SCOC: variants seen among roughly 807,000 people sequenced by gnomAD.
The protein encoded by SCOC is short coiled coil protein.
A neutral mutation model predicts 9.9 loss-of-function variants in SCOC; 7 were observed. That is an observed-to-expected ratio of 0.71 (90% confidence interval 0.40 to 1.33). The LOEUF is 1.33. SCOC is among the 40% of genes most tolerant of loss of function. SCOC has a pLI of 0.01. For missense variants in SCOC, 66 were observed against 89.7 expected (o/e 0.74, Z 1.07); for synonymous variants, 19 against 28.2 (o/e 0.67, Z 1.03).
At position 140,384,261 on chromosome 4, in the gene SCOC, T is replaced by G. The variant is rs1270146523; in HGVS notation, c.*3157T>G. ...TCCCCACTGCTTGTCATGTTAATGG[T>G]AAGCTAATGCTATATACTTAGTTTT... On this transcript the variant is annotated 3_prime_UTR_variant, in exon 4 of 4. Transcript: ENST00000608372. The G allele has an allele frequency of 2.6e-5, 4 of 152,334 alleles. No individual in the cohort carries two copies. Among genetic ancestry groups the G allele is most frequent in the Admixed American group, 2.0e-4 (3 of 15,296 alleles). 9.4% of individuals were successfully genotyped at this position (152,334 alleles called of 1,614,324 possible).
intron 1 of SCOC, chr4:140,376,519 G>T (rs1728350400): frequency 6.6e-6 from 1 of 152,136 alleles, no homozygotes; most frequent in South Asian, 2.1e-4. Context: ...GGTGTGAATT[G>T]TGCTCTCTCG....
chr4:140,362,301 T>TCTTCTTGTTCTTCTTCTTCTTCTTCTTC, intron 2 of SCOC, among the ~76,000 whole-genome samples: 2 of 29,410 alleles, frequency 6.8e-5, no homozygotes, highest in African/African-American at 2.4e-4. Context: ...TTCTTCTTCT[T>TCTTCTTGTTCTTCTTCTTCTTCTTCTTC]TTTTTTTTTT....
At chr4:140,272,057 C>A in intron 1 of SCOC, among the ~76,000 whole-genome samples, 1 of 133,752 alleles carries the variant, frequency 7.5e-6, no homozygotes, top group South Asian at 2.4e-4. Flanking sequence ...TCTATCATCA[C>A]TTTTTTTTTT....
intron 1 of SCOC, among the ~76,000 whole-genome samples, chr4:140,330,330 G>C (rs536928002): frequency 2.6e-5 from 4 of 152,198 alleles, no homozygotes; most frequent in African/African-American, 9.6e-5. Context: ...GTACACGGCT[G>C]GGGTGCTGGG....
At chr4:140,258,408 C>A (rs1375976367) in intron 1 of SCOC, among the ~76,000 whole-genome samples, 1 of 152,184 alleles carries the variant, frequency 6.6e-6, no homozygotes, top group African/African-American at 2.4e-5. Flanking sequence ...CATCTCTATT[C>A]CTATCTCCGT....
chr4:140,366,872 T>C (rs1483784131), intron 2 of SCOC: 5 of 739,878 alleles, frequency 6.8e-6, no homozygotes, highest in South Asian at 4.4e-5. Context: ...TTGGTGGCGT[T>C]TGGCAAGAAG....
At chr4:140,352,191 G>C (rs899678048) in intron 2 of SCOC, among the ~76,000 whole-genome samples, 2 of 152,192 alleles carry the variant, frequency 1.3e-5, no homozygotes, top group Admixed American at 1.3e-4. Flanking sequence ...TAATTTAAAA[G>C]ATTATTCCCA....
upstream of SCOC, among the ~76,000 whole-genome samples, chr4:140,342,250 C>A (rs1192958543): frequency 6.6e-6 from 1 of 152,164 alleles, no homozygotes; most frequent in Non-Finnish European, 1.5e-5. Context: ...CACTACCTGA[C>A]CAATTTTGCC....
intron 1 of SCOC, among the ~76,000 whole-genome samples, chr4:140,295,738 G>A (rs1467829412): frequency 1.3e-5 from 2 of 151,856 alleles, no homozygotes; most frequent in East Asian, 3.9e-4. Context: ...TCAGGAGATC[G>A]AGACCACGAT....
At chr4:140,362,105 T>C (rs1727500070) in intron 2 of SCOC, among the ~76,000 whole-genome samples, 1 of 110,140 alleles carries the variant, frequency 9.1e-6, no homozygotes, top group African/African-American at 3.1e-5. Flanking sequence ...AGGCTTTCTT[T>C]AGTTTTCTGC....
intron 1 of SCOC, among the ~76,000 whole-genome samples, chr4:140,287,322 T>G (rs900398544): frequency 6.6e-6 from 1 of 151,458 alleles, no homozygotes; most frequent in African/African-American, 2.4e-5. Flanking sequence ...ACCACACATG[T>G]TTACACACAT....
intron 2 of SCOC, among the ~76,000 whole-genome samples, chr4:140,348,304 C>T (rs1043881588): frequency 3.9e-5 from 6 of 152,142 alleles, no homozygotes; most frequent in South Asian, 2.1e-4. Context: ...CCAACATCTC[C>T]GCAATATCCT....
intron 2 of SCOC, among the ~76,000 whole-genome samples, chr4:140,358,199 ATTATT>A (rs1312297541): frequency 2.0e-5 from 3 of 152,212 alleles, no homozygotes; most frequent in Admixed American, 6.5e-5. Flanking sequence ...TTTTACCTTT[ATTATT>A]TTAAGTAAAA....
upstream of SCOC, chr4:140,373,121 C>T (rs1728125919): frequency 6.2e-6 from 2 of 324,460 alleles, no homozygotes; most frequent in South Asian, 1.0e-4. Context: ...CAACTATAAG[C>T]TTTCCGATTT....
At chr4:140,373,479 T>C (rs934509218), upstream of SCOC, 54 of 1,550,832 alleles carry the variant, frequency 3.5e-5, no homozygotes, top group East Asian at 2.4e-4. Flanking sequence ...CCTTTTGTTA[T>C]GGCAAAGGTG....
intron 2 of SCOC, among the ~76,000 whole-genome samples, chr4:140,352,304 T>C (rs1399519127): frequency 6.6e-6 from 1 of 152,212 alleles, no homozygotes; most frequent in African/African-American, 2.4e-5. Context: ...GGCAAAAAGT[T>C]TCAGCAAATC....
chr4:140,259,166 T>C (rs1166698942), intron 1 of SCOC, among the ~76,000 whole-genome samples: 1 of 152,246 alleles, frequency 6.6e-6, no homozygotes, highest in African/African-American at 2.4e-5. Context: ...CTACAAAAGG[T>C]TGGATATGGC....
intron 1 of SCOC, among the ~76,000 whole-genome samples, chr4:140,328,988 C>T (rs1732730974): frequency 6.6e-6 from 1 of 152,106 alleles, no homozygotes; most frequent in African/African-American, 2.4e-5. Context: ...GCCCACATAG[C>T]CAAAGCAAGA....
intron 2 of SCOC, among the ~76,000 whole-genome samples, chr4:140,361,524 G>A (rs956317553): frequency 1.3e-5 from 2 of 152,022 alleles, no homozygotes; most frequent in African/African-American, 4.8e-5. Flanking sequence ...AGCGAGGCAT[G>A]GTTCTGTGCC....
Sources: allele counts gnomAD v4.1 joint callset (sites outside exome capture counted in the v4.1 genomes callset), GRCh38; gene constraint gnomAD v4.1.1; transcripts MANE v1.5; gene names NCBI Gene and HGNC (gene_info 2026-07-23, HGNC 2026-07-21).